NT5DC1: variants seen among roughly 807,000 people sequenced by gnomAD.
NT5DC1 encodes the protein 5'-nucleotidase domain containing 1.
In NT5DC1, 42 loss-of-function variants were observed where a neutral mutation model predicts 59.4. The observed-to-expected ratio is 0.71, with a 90% confidence interval of 0.55 to 0.92. The LOEUF (loss-of-function observed/expected upper bound fraction) is 0.92, where lower values mean the gene tolerates loss of function less well. Among genes scored for constraint, NT5DC1 ranks in the 40% least tolerant of loss-of-function variants. The probability of loss-of-function intolerance (pLI) is 0.00; values close to 1 mark genes in which losing one functional copy is unlikely to be tolerated. For missense variants in NT5DC1, 501 were observed against 537.1 expected (o/e 0.93, Z 0.66); for synonymous variants, 172 against 188.1 (o/e 0.91, Z 0.70).
chr6:116,121,577 C>T lies in NT5DC1; in HGVS notation c.529+3632C>T. 6.2e-7 allele frequency: 1 copy of T among 1,614,120 alleles called. No individual in the cohort carries two copies. The highest frequency in any genetic ancestry group is 8.5e-7 in the Non-Finnish European group (1 of 1,180,018). On this transcript the variant is annotated intron_variant, in intron 6 of 11. Transcript: ENST00000319550. ...TTTCTGTCCATTCATACCAGGGACTCCTGGTGCACCCTTTTCTCCAGGAAA... is the reference window on the plus strand; with the variant it reads ...TTTCTGTCCATTCATACCAGGGACTTCTGGTGCACCCTTTTCTCCAGGAAA...
At chr6:116,231,152 C>CG (rs1279540128) in intron 8 of NT5DC1, among the ~76,000 whole-genome samples, 1 of 146,064 alleles carries the variant, frequency 6.8e-6, no homozygotes, top group Non-Finnish European at 1.5e-5. Context: ...GGTAAATCCC[C>CG]CCCCCAAACC....
chr6:116,197,750 G>C (rs1781265419), intron 6 of NT5DC1, among the ~76,000 whole-genome samples: 1 of 152,088 alleles, frequency 6.6e-6, no homozygotes, highest in South Asian at 2.1e-4. Context: ...TGCAGATTCA[G>C]TGAGATAATG....
At chr6:116,216,854 T>G (rs1781696453) in intron 6 of NT5DC1, among the ~76,000 whole-genome samples, 1 of 152,210 alleles carries the variant, frequency 6.6e-6, no homozygotes. Flanking sequence ...GCAAGTACAT[T>G]TAAACAGTTC....
chr6:116,115,582 T>C, intron 4 of NT5DC1, 109 bp from the exon 5 acceptor site: 1 of 500,756 alleles, frequency 2.0e-6, no homozygotes, highest in South Asian at 3.1e-5. Flanking sequence ...GAATGGAGGC[T>C]TCTTCAGATA....
Position 116,221,244 on chromosome 6 carries a change from T to A in NT5DC1, c.704+16T>A. ...ATATTCTTGGGTGAGTGATGAGTCA[T>A]TCAGTTTTCATTGTCTTATGAAATA... On this transcript the variant is annotated intron_variant, in intron 7 of 11. Coordinates refer to ENST00000319550, the MANE Select transcript of NT5DC1 (RefSeq NM_152729.3). 6.7e-7 allele frequency: 1 copy of A among 1,492,966 alleles called. No homozygotes were observed. The highest frequency in any genetic ancestry group is 9.3e-7 in the Non-Finnish European group (1 of 1,076,610). The allele number at this position is 1,492,966 out of a possible 1,614,324, so 92.5% of individuals were successfully genotyped here. A position where few individuals can be genotyped will look rare whatever the true frequency, so the allele number is the denominator to read the frequency against.
In NT5DC1 at chr6:116,246,733, A is replaced by G. The variant is rs555548716; in HGVS notation, c.*2709A>G. ...AGTTCCAGATTGGTGCAAGACTGGA[A>G]TACACTTGACTGCTTTTATTAAAGC... On this transcript the variant is annotated 3_prime_UTR_variant, in exon 12 of 12. Coordinates refer to ENST00000319550, the MANE Select transcript of NT5DC1 (RefSeq NM_152729.3). 109 of 152,292 alleles carry G rather than the reference A, an allele frequency of 7.2e-4. No individual in the cohort carries two copies. Among genetic ancestry groups the G allele is most frequent in the African/African-American group, 2.6e-3 (107 of 41,578 alleles). 9.4% of individuals were successfully genotyped at this position (152,292 alleles called of 1,614,324 possible).
At chr6:116,154,272 C>T (rs1490801270) in intron 6 of NT5DC1, among the ~76,000 whole-genome samples, 3 of 152,020 alleles carry the variant, frequency 2.0e-5, no homozygotes, top group Non-Finnish European at 2.9e-5. Flanking sequence ...AACAAAACAT[C>T]AACATAGCTG....
chr6:116,222,117 G>A (rs1185503441), intron 7 of NT5DC1, among the ~76,000 whole-genome samples: 1 of 152,038 alleles, frequency 6.6e-6, no homozygotes, highest in African/African-American at 2.4e-5. Flanking sequence ...TTTCTTCTAT[G>A]GTATGCTTAG....
chr6:116,222,180 T>A (rs1003375800), intron 7 of NT5DC1, among the ~76,000 whole-genome samples: 3 of 152,218 alleles, frequency 2.0e-5, no homozygotes, highest in Non-Finnish European at 4.4e-5. Flanking sequence ...TGATACATAA[T>A]AATGCATCTT....
chr6:116,163,566 A>G (rs1045875893), intron 6 of NT5DC1, among the ~76,000 whole-genome samples: 4 of 152,000 alleles, frequency 2.6e-5, no homozygotes, highest in South Asian at 4.2e-4. Flanking sequence ...TTCTTAAACA[A>G]CCAACTTTTG....
In NT5DC1 at chr6:116,219,415, A is replaced by T. The variant is rs540646590; in HGVS notation, c.530-1639A>T. On this transcript the variant is annotated intron_variant, in intron 6 of 11. Transcript: ENST00000319550. ...TGCAGCAAAGTTCTCCTCAGGTCTC[A>T]TTTGCCATGCCTGGGTCCCCAGCAC... 2.6e-5 allele frequency among the ~76,000 whole-genome samples: 4 copies of T among 152,242 alleles called. No homozygotes were observed. In the South Asian group the frequency reaches 8.3e-4, roughly 32 times the overall value.
intron 8 of NT5DC1, among the ~76,000 whole-genome samples, chr6:116,228,677 A>G (rs1031426793): frequency 2.6e-5 from 4 of 152,194 alleles, no homozygotes; most frequent in African/African-American, 7.2e-5. Context: ...AGAATGCAAA[A>G]AAGATTGCGA....
At chr6:116,218,281 T>C (rs1781725332) in intron 6 of NT5DC1, among the ~76,000 whole-genome samples, 1 of 152,174 alleles carries the variant, frequency 6.6e-6, no homozygotes, top group Non-Finnish European at 1.5e-5. Flanking sequence ...TTTTTAATGG[T>C]AATTTATATT....
At chr6:116,175,411 C>T (rs942844045) in intron 6 of NT5DC1, among the ~76,000 whole-genome samples, 13 of 152,078 alleles carry the variant, frequency 8.5e-5, no homozygotes, top group African/African-American at 2.2e-4. Flanking sequence ...TTGAAGTAGG[C>T]GGAGTATTTA....
intron 6 of NT5DC1, among the ~76,000 whole-genome samples, chr6:116,209,751 C>T (rs1347871299): frequency 4.0e-5 from 6 of 151,838 alleles, no homozygotes; most frequent in Non-Finnish European, 7.4e-5. Flanking sequence ...GAGACAATAT[C>T]AGTTCAGTGA....
chr6:116,107,445 A>G (rs1778786373), intron 2 of NT5DC1, among the ~76,000 whole-genome samples: 1 of 151,618 alleles, frequency 6.6e-6, no homozygotes, highest in Non-Finnish European at 1.5e-5. Flanking sequence ...TATTATTCAT[A>G]ATAATGAATC....
At chr6:116,103,273 ATG>A (rs1778700203) in intron 1 of NT5DC1, among the ~76,000 whole-genome samples, 1 of 152,080 alleles carries the variant, frequency 6.6e-6, no homozygotes. Context: ...TGCTGCTTAT[ATG>A]AATGGATTTA....
intron 3 of NT5DC1, among the ~76,000 whole-genome samples, chr6:116,109,098 G>C (rs974785799): frequency 6.6e-6 from 1 of 152,188 alleles, no homozygotes; most frequent in African/African-American, 2.4e-5. Context: ...GCACCAGGGA[G>C]GGAGCATCTG....
chr6:116,207,934 G>A (rs983789123), intron 6 of NT5DC1, among the ~76,000 whole-genome samples: 4 of 151,914 alleles, frequency 2.6e-5, no homozygotes, highest in Non-Finnish European at 5.9e-5. Flanking sequence ...TTAGCATAGT[G>A]TATACATACT....
Sources: gnomAD v4.1 joint callset for allele counts (sites outside exome capture counted in the v4.1 genomes callset) on GRCh38, gnomAD v4.1.1 for gene constraint, MANE v1.5 for transcripts, NCBI Gene and HGNC (gene_info 2026-07-23, HGNC 2026-07-21) for gene names.